The following TNNT2 variants were observed in gnomAD, a reference collection of about 807,000 sequenced individuals.
TNNT2 encodes the protein troponin T, cardiac muscle.
A neutral mutation model predicts 62.4 loss-of-function variants in TNNT2; 34 were observed. That is an observed-to-expected ratio of 0.54 (90% CI 0.41 to 0.72). The LOEUF is 0.72. Among genes scored for constraint, TNNT2 ranks in the 30% least tolerant of loss-of-function variants. The probability of loss-of-function intolerance (pLI) is 0.00; values close to 1 mark genes in which losing one functional copy is unlikely to be tolerated. For synonymous variants in TNNT2, 123 were observed against 127.2 expected, an observed-to-expected ratio of 0.97 and a Z score of 0.22; for missense variants, 275 against 381.9, an observed-to-expected ratio of 0.72 and a Z score of 2.33.
chr1:201,374,568 T>A (rs947403981), intron 1 of TNNT2: 1 of 152,210 alleles, frequency 6.6e-6, no homozygotes, highest in African/African-American at 2.4e-5. Context: ...AGCACTTGAG[T>A]GTGAGACTAA....
Position 201,363,764 on chromosome 1 carries a change from G to A in TNNT2, c.490-358C>T, listed in dbSNP as rs1571617704. The A allele has an allele frequency of 1.9e-5, 7 of 364,982 alleles. No individual in the cohort carries two copies. In the East Asian group the frequency reaches 3.8e-4, roughly 20 times the overall value. 22.6% of individuals were successfully genotyped at this position (364,982 alleles called of 1,614,324 possible). A position where few individuals can be genotyped will look rare whatever the true frequency, so the allele number is the denominator to read the frequency against. On this transcript the variant is annotated intron_variant, in intron 11 of 16. Transcript: ENST00000656932. ...CACTGGGGAAGGGATGAGGGCTGGA[G>A]AGTCTTATAAAATAACACGTTCATA... is the stretch of plus-strand genomic sequence containing the variant.
chr1:201,373,352 T>G (rs1660941349), intron 1 of TNNT2, 84 bp from the exon 2 acceptor site: 1 of 1,221,794 alleles, frequency 8.2e-7, no homozygotes, highest in Non-Finnish European at 1.2e-6. Flanking sequence ...TGTACAGAGA[T>G]CAGCGAGGCC....
At chr1:201,364,035 T>A in intron 11 of TNNT2, 2 of 470,784 alleles carry the variant, frequency 4.2e-6, no homozygotes, top group Non-Finnish European at 7.8e-6. Context: ...GACCGGCATG[T>A]GCCACCACGC....
At position 201,368,189 on chromosome 1, in the gene TNNT2, C is replaced by G. The variant is rs397516447; in HGVS notation, c.136G>C (p.Ala46Pro). The change falls in exon 6 of 17, where the codon GCT becomes CCT. Residue 46 changes from alanine (A) to proline (P), a missense_variant. Physicochemically the swap from Ala to Pro is conservative, Grantham distance 27 (BLOSUM62 -1). Transcript: ENST00000656932. ...TCTGCCCTGGTCTCCTCGGTCTCAG[C>G]CTCTGCTTCAGCATCCTCTTCCGCT... ...EAAEEDAEAE[A>P]ETEETRAEED... 28 of 1,614,042 alleles carry G rather than the reference C, an allele frequency of 1.7e-5. No individual in the cohort carries two copies. The South Asian group carries it at 2.6e-4, about 15-fold the overall frequency.
chr1:201,367,417 T>G lies in TNNT2; in HGVS notation c.199+354A>C, dbSNP rs1392903416. Reference sequence around the variant, plus strand: ...AGCAATGACCCACCATGACCATCTATGCATTGGGATTTCATCCTACGGACA... The same window carrying G: ...AGCAATGACCCACCATGACCATCTAGGCATTGGGATTTCATCCTACGGACA... On this transcript the variant is annotated intron_variant, in intron 7 of 16. Transcript: ENST00000656932. 8 of 461,752 alleles carry G rather than the reference T, an allele frequency of 1.7e-5. No homozygotes were observed. In the Admixed American group the frequency reaches 2.4e-4, roughly 14 times the overall value. 28.6% of individuals were successfully genotyped at this position (461,752 alleles called of 1,614,324 possible).
intron 13 of TNNT2, 57 bp downstream of exon 13, chr1:201,362,329 C>T: frequency 5.6e-6 from 9 of 1,607,538 alleles, no homozygotes; most frequent in Non-Finnish European, 7.6e-6. Flanking sequence ...CCTTCCCCTC[C>T]CAGGGAGCTC....
intron 11 of TNNT2, chr1:201,363,700 G>T (rs954593184): frequency 1.6e-5 from 7 of 444,784 alleles, no homozygotes; most frequent in Non-Finnish European, 2.9e-5. Flanking sequence ...CAGCTGCACA[G>T]GAAGAGAGCT....
intron 4 of TNNT2, among the ~76,000 whole-genome samples, chr1:201,370,112 G>A (rs190980371): frequency 1.1e-4 from 16 of 152,322 alleles, no homozygotes; most frequent in Admixed American, 4.6e-4. Flanking sequence ...ATGACCTAGC[G>A]TGCATAGAGC....
intron 7 of TNNT2, chr1:201,367,242 C>A (rs1463612353): frequency 9.6e-6 from 4 of 418,766 alleles, no homozygotes; most frequent in Non-Finnish European, 1.3e-5. Flanking sequence ...CAGGTCTTTG[C>A]CTTCTTTGTT....
chr1:201,361,818 GC>G (rs1329270731), intron 14 of TNNT2, 94 bp downstream of exon 14: 4 of 1,173,952 alleles, frequency 3.4e-6, no homozygotes, highest in Non-Finnish European at 5.1e-6. Flanking sequence ...AGGCAGTCCT[GC>G]CCTCTGGTGG....
chr1:201,359,116 G>A lies in TNNT2; in HGVS notation c.*94C>T. On this transcript the variant is annotated 3_prime_UTR_variant, in exon 17 of 17. Transcript: ENST00000656932. ...AGCTCCCCATTTCCAAACAGGAGCT[G>A]CCTGGGGTGCCCAGGAGGGCCCGGG... is the stretch of plus-strand genomic sequence containing the variant. The A allele has an allele frequency of 1.3e-6, 2 of 1,508,968 alleles. No individual in the cohort carries two copies. The highest frequency in any genetic ancestry group is 1.8e-6 in the Non-Finnish European group (2 of 1,106,486). 93.5% of individuals were successfully genotyped at this position (1,508,968 alleles called of 1,614,324 possible).
In TNNT2 at chr1:201,359,138, C is replaced by T; in HGVS notation, c.*72G>A. On this transcript the variant is annotated 3_prime_UTR_variant, in exon 17 of 17. Coordinates refer to ENST00000656932, the MANE Select transcript of TNNT2 (RefSeq NM_001276345.2). ...GCTGCCTGGGGTGCCCAGGAGGGCC[C>T]GGGAACTGGGGGAGTGCAGGCCGGA... 7 of 1,564,102 alleles carry T rather than the reference C, an allele frequency of 4.5e-6. No homozygotes were observed. The highest frequency in any genetic ancestry group is 2.3e-5 in the East Asian group (1 of 43,494).
intron 8 of TNNT2, chr1:201,366,119 G>A: frequency 9.2e-7 from 1 of 1,081,536 alleles, no homozygotes; most frequent in Non-Finnish European, 1.1e-6. Flanking sequence ...AGACCCAGGG[G>A]GTTCTCTGAT....
At chr1:201,371,645 G>A (rs1054359350) in intron 4 of TNNT2, among the ~76,000 whole-genome samples, 1 of 152,140 alleles carries the variant, frequency 6.6e-6, no homozygotes, top group African/African-American at 2.4e-5. Context: ...ATAGAGGAAA[G>A]AAGACTGGCC....
At chr1:201,368,248 G>C (rs1660037994) in intron 5 of TNNT2, 21 bp from the exon 6 acceptor site, 1 of 1,613,500 alleles carries the variant, frequency 6.2e-7, no homozygotes, top group Admixed American at 1.7e-5. Flanking sequence ...GAAGCAGACA[G>C]AGTGAAGAAG....
intron 8 of TNNT2, 132 bp from the exon 9 acceptor site, chr1:201,365,802 G>A: frequency 5.8e-6 from 9 of 1,541,982 alleles, no homozygotes; most frequent in Non-Finnish European, 7.0e-6. Flanking sequence ...AGCAATGATA[G>A]TAACACTGAC....
intron 4 of TNNT2, among the ~76,000 whole-genome samples, chr1:201,371,680 G>A (rs1338122016): frequency 6.6e-6 from 1 of 152,088 alleles, no homozygotes; most frequent in African/African-American, 2.4e-5. Context: ...GTTGAAGCTG[G>A]TAATGGGTAC....
At chr1:201,362,196 G>A (rs1571607634) in intron 13 of TNNT2, 174 bp from the exon 14 acceptor site, 7 of 1,219,174 alleles carry the variant, frequency 5.7e-6, no homozygotes, top group Non-Finnish European at 8.3e-6. Context: ...GGAAACTGAG[G>A]TAGGGGCAAG....
chr1:201,365,898 A>T, intron 8 of TNNT2: 1 of 1,389,842 alleles, frequency 7.2e-7, no homozygotes, highest in South Asian at 1.5e-5. Context: ...CATGCTCATG[A>T]TATGCCCATG....
Sources: gnomAD v4.1 joint callset for allele counts (sites outside exome capture counted in the v4.1 genomes callset) on GRCh38, gnomAD v4.1.1 for gene constraint, MANE v1.5 for transcripts, NCBI Gene and HGNC (gene_info 2026-07-23, HGNC 2026-07-21) for gene names.